The following EXO1 variants were observed in gnomAD, a reference collection of about 807,000 sequenced individuals.
EXO1 encodes exonuclease 1.
EXO1 carries 69 observed loss-of-function variants against 84.5 expected under a neutral mutation model. That is an observed-to-expected ratio of 0.82 (90% CI 0.67 to 1.00). The LOEUF (loss-of-function observed/expected upper bound fraction) is 1.00, where lower values mean the gene tolerates loss of function less well. Ranked by LOEUF, EXO1 falls within the 50% of genes least tolerant of loss-of-function variation. EXO1 has a pLI of 0.00. For synonymous variants in EXO1, 373 were observed against 366.1 expected (o/e 1.02, Z -0.21); for missense variants, 1,045 against 1,000.7 (o/e 1.04, Z -0.60).
intron 12 of EXO1, among the ~76,000 whole-genome samples, chr1:241,877,388 C>T (rs376316880): frequency 1.6e-3 from 236 of 152,046 alleles, no homozygotes; most frequent in African/African-American, 5.4e-3. Context: ...TAGGAATTGC[C>T]GTTGATTTAA....
intron 10 of EXO1, among the ~76,000 whole-genome samples, chr1:241,864,044 G>C (rs186701161): frequency 6.6e-6 from 1 of 152,070 alleles, no homozygotes; most frequent in Non-Finnish European, 1.5e-5. Context: ...TCCGCTCTCT[G>C]TAACTGCTGT....
intron 11 of EXO1, among the ~76,000 whole-genome samples, chr1:241,868,170 C>A (rs1661859339): frequency 6.6e-6 from 1 of 151,842 alleles, no homozygotes; most frequent in African/African-American, 2.4e-5. Flanking sequence ...AGGTCAGGTG[C>A]TCCAGACCAG....
intron 11 of EXO1, among the ~76,000 whole-genome samples, chr1:241,868,557 A>G (rs1661889146): frequency 6.6e-6 from 1 of 152,138 alleles, no homozygotes; most frequent in Admixed American, 6.5e-5. Flanking sequence ...AGTCCCATCT[A>G]TTCAGGAGGC....
chr1:241,861,155 C>T (rs569857155), intron 9 of EXO1, among the ~76,000 whole-genome samples: 1 of 152,354 alleles, frequency 6.6e-6, no homozygotes, highest in East Asian at 1.9e-4. Context: ...ACTTTCCCCT[C>T]TGTTTCCCTT....
chr1:241,855,895 C>T (rs1660996775), intron 6 of EXO1, among the ~76,000 whole-genome samples: 1 of 152,248 alleles, frequency 6.6e-6, no homozygotes, highest in Non-Finnish European at 1.5e-5. Context: ...CAAGCCCACG[C>T]CCACCCGGAA....
Position 241,881,995 on chromosome 1 carries a change from A to G in EXO1, c.2189A>G (p.Lys730Arg). ...SKLRLSHFSKKDTPLRNKVPG... is the reference protein window; with the variant it reads ...SKLRLSHFSKRDTPLRNKVPG... ...CTACGTTTATCTCATTTCTCAAAAA[A>G]AGACACACCTCTAAGGAACAAGGTA... The change falls in exon 14 of 16, where the codon AAA becomes AGA. Residue 730 changes from lysine (K) to arginine (R), a missense_variant. Transcript: ENST00000366548. The G allele has an allele frequency of 6.5e-7, 1 of 1,550,378 alleles. No homozygotes were observed. The highest frequency in any genetic ancestry group is 8.9e-7 in the Non-Finnish European group (1 of 1,123,452).
At chr1:241,855,098 C>G (rs1470063303) in intron 6 of EXO1, among the ~76,000 whole-genome samples, 1 of 152,174 alleles carries the variant, frequency 6.6e-6, no homozygotes, top group Non-Finnish European at 1.5e-5. Flanking sequence ...AAGAACAAAG[C>G]TTCCATGGTG....
intron 12 of EXO1, among the ~76,000 whole-genome samples, chr1:241,875,274 G>A (rs1471107609): frequency 6.6e-6 from 1 of 152,156 alleles, no homozygotes; most frequent in African/African-American, 2.4e-5. Flanking sequence ...AAAGTGCTGG[G>A]ATTACAGGCG....
chr1:241,860,809 TG>T, intron 9 of EXO1, 105 bp downstream of exon 9: 1 of 905,516 alleles, frequency 1.1e-6, no homozygotes. Context: ...CATTATTTTT[TG>T]CTCTCTTTTT....
intron 13 of EXO1, among the ~76,000 whole-genome samples, chr1:241,880,163 G>A: frequency 6.6e-6 from 1 of 152,126 alleles, no homozygotes; most frequent in African/African-American, 2.4e-5. Context: ...AGTAACACAG[G>A]TGTGCATACT....
chr1:241,866,422 T>C (rs1363103489), intron 10 of EXO1, among the ~76,000 whole-genome samples: 1 of 152,134 alleles, frequency 6.6e-6, no homozygotes, highest in African/African-American at 2.4e-5. Flanking sequence ...CTGCTTTCCA[T>C]TTAAAAGACA....
At chr1:241,855,467 G>C (rs1660937877) in intron 6 of EXO1, among the ~76,000 whole-genome samples, 1 of 152,186 alleles carries the variant, frequency 6.6e-6, no homozygotes, top group African/African-American at 2.4e-5. Flanking sequence ...CCCTGAGCTA[G>C]ACGTAAAGAT....
chr1:241,855,157 T>C (rs577343027), intron 6 of EXO1, among the ~76,000 whole-genome samples: 1 of 152,138 alleles, frequency 6.6e-6, no homozygotes, highest in Non-Finnish European at 1.5e-5. Flanking sequence ...GCAGCCAGCT[T>C]TTATTCTCTT....
In EXO1 at chr1:241,852,311, A is replaced by T; in HGVS notation, c.181A>T (p.Lys61Ter). The change falls in exon 5 of 16, where the codon AAA becomes TAA. Residue 61 changes from lysine (K) to a stop codon, truncating the protein, a stop_gained. Coordinates refer to ENST00000366548, the MANE Select transcript of EXO1 (RefSeq NM_130398.4). LOFTEE classifies it high-confidence loss of function. ...PTDRYVGFCM[K>*]FVNMLLSHGI... is the part of the protein sequence containing the mutation. ...CCATAGGTATGTAGGATTTTGTATGAAATTTGTAAATATGTTACTATCTCA... is the reference window on the plus strand; with the variant it reads ...CCATAGGTATGTAGGATTTTGTATGTAATTTGTAAATATGTTACTATCTCA... 1 of 1,600,604 alleles carries T rather than the reference A, an allele frequency of 6.2e-7. No homozygotes were observed. The highest frequency in any genetic ancestry group is 8.6e-7 in the Non-Finnish European group (1 of 1,168,634).
chr1:241,864,410 T>C (rs1202447783), intron 10 of EXO1, among the ~76,000 whole-genome samples: 1 of 152,266 alleles, frequency 6.6e-6, no homozygotes, highest in Non-Finnish European at 1.5e-5. Flanking sequence ...GTTTCATCTC[T>C]GTTTTCAGAC....
At chr1:241,872,309 C>T in intron 12 of EXO1, 31 bp downstream of exon 12, 1 of 1,606,510 alleles carries the variant, frequency 6.2e-7, no homozygotes, top group South Asian at 1.1e-5. Context: ...TGTTGATTGT[C>T]TGTTGTATTA....
chr1:241,855,928 G>A (rs944561785), intron 6 of EXO1, among the ~76,000 whole-genome samples: 3 of 152,164 alleles, frequency 2.0e-5, no homozygotes, highest in South Asian at 4.1e-4. Context: ...CGCAAGCACC[G>A]CGCGCAGCCC....
rs565914499 is a variant in EXO1 at position 241,858,595 on chromosome 1, G to C, written c.633G>C (p.Thr211=). The C allele has an allele frequency of 3.1e-6, 5 of 1,614,008 alleles. No homozygotes were observed. The highest frequency in any genetic ancestry group is 4.2e-6 in the Non-Finnish European group (5 of 1,179,912). ...GMCRQLGDVF[T]EEKFRYMCIL... Reference sequence around the variant, plus strand: ...GCAGACAGCTTGGGGATGTATTCACGGAAGAGAAGTTTCGTTACATGTGTA... The same window carrying C: ...GCAGACAGCTTGGGGATGTATTCACCGAAGAGAAGTTTCGTTACATGTGTA... The change falls in exon 8 of 16, where the codon ACG becomes ACC. Residue 211 remains threonine, a synonymous_variant. Transcript: ENST00000366548.
chr1:241,869,113 C>T (rs532611570), intron 11 of EXO1, among the ~76,000 whole-genome samples: 2 of 152,142 alleles, frequency 1.3e-5, no homozygotes, highest in African/African-American at 4.8e-5. Context: ...AGCTTGTTTT[C>T]TTTTGAACTG....
Sources: gnomAD v4.1 joint callset for allele counts (sites outside exome capture counted in the v4.1 genomes callset) on GRCh38, gnomAD v4.1.1 for gene constraint, MANE v1.5 for transcripts, NCBI Gene and HGNC (gene_info 2026-07-23, HGNC 2026-07-21) for gene names.